The following FBXO15 variants were observed in gnomAD, a reference collection of about 807,000 sequenced individuals.
FBXO15 encodes F-box protein 15, also known as F-box only protein 15.
In FBXO15, 30 loss-of-function variants were observed where a neutral mutation model predicts 49.5. The ratio of observed to expected loss-of-function variants is 0.61; its 90% confidence interval spans 0.45 to 0.82. The LOEUF is 0.82. FBXO15 is among the 40% of genes least tolerant of loss of function. FBXO15 has a pLI of 0.00. For missense variants in FBXO15, 591 were observed against 631.5 expected, an observed-to-expected ratio of 0.94 and a Z score of 0.69; for synonymous variants, 250 against 232.7, an observed-to-expected ratio of 1.07 and a Z score of -0.68.
intron 9 of FBXO15, among the ~76,000 whole-genome samples, chr18:74,079,233 C>T (rs766854262): frequency 1.1e-4 from 17 of 152,302 alleles, no homozygotes; most frequent in Middle Eastern, 3.4e-3. Context: ...TTCTGATAGG[C>T]GCTGGGAGGA....
At chr18:74,108,805 C>A (rs1568167776) in intron 8 of FBXO15, among the ~76,000 whole-genome samples, 1 of 151,994 alleles carries the variant, frequency 6.6e-6, no homozygotes, top group South Asian at 2.1e-4. Context: ...CTGAAAGAAA[C>A]CAGAGGAAAA....
intron 8 of FBXO15, among the ~76,000 whole-genome samples, chr18:74,111,194 G>A (rs767378078): frequency 8.6e-5 from 13 of 150,830 alleles, no homozygotes; most frequent in South Asian, 4.2e-4. Context: ...GGCCAAGTGC[G>A]GTGCCTCACA....
chr18:74,144,301 T>G (rs1433224032), intron 1 of FBXO15, among the ~76,000 whole-genome samples: 2 of 152,070 alleles, frequency 1.3e-5, no homozygotes, highest in Non-Finnish European at 2.9e-5. Context: ...GATTACAAAA[T>G]CTGTTGGTGA....
At position 74,075,568 on chromosome 18, in the gene FBXO15, C is replaced by T. The variant is rs935109591; in HGVS notation, c.1264-1838G>A. Among the ~76,000 whole-genome samples, 34 of 152,334 alleles carry T rather than the reference C, an allele frequency of 2.2e-4. No homozygotes were observed. The highest frequency in any genetic ancestry group is 2.0e-3 in the Admixed American group (31 of 15,308). On this transcript the variant is annotated intron_variant, in intron 9 of 9. Coordinates refer to ENST00000419743, the MANE Select transcript of FBXO15 (RefSeq NM_001142958.2). This position sits in a 1 kb window ranked among gnomAD's most constrained non-coding sequence, Gnocchi z 4.1. The stretch of plus-strand genomic sequence containing the variant: ...ACAACCCTCTCCAAAGAGCTGTCTC[C>T]GCTGGATTTGTCCATTAATACCCAT...
intron 2 of FBXO15, among the ~76,000 whole-genome samples, chr18:74,138,918 TAGAGA>T (rs2145221600): frequency 6.6e-6 from 1 of 152,288 alleles, no homozygotes; most frequent in South Asian, 2.1e-4. Flanking sequence ...TCCCTACTTC[TAGAGA>T]AGAGAGGTAA....
At chr18:74,103,868 T>C (rs73474879) in intron 8 of FBXO15, among the ~76,000 whole-genome samples, 2,048 of 152,188 alleles carry the variant, frequency 0.013, 45 homozygotes, top group African/African-American at 0.047. Flanking sequence ...TTATAAGAAA[T>C]GCTAAAAGGA....
At position 74,140,289 on chromosome 18, in the gene FBXO15, G is replaced by A. The variant is rs1978987078; in HGVS notation, c.140C>T (p.Ser47Phe). Residue 47 changes from serine to phenylalanine, a missense_variant, in exon 2 of 10, where the codon TCT becomes TTT. By Grantham distance (155) the Ser-to-Phe change is radical. Transcript: ENST00000419743. ...GCRKGPGVKL[S>F]AGSAALRCHA... Reference sequence around the variant, plus strand: ...GCACCTCAGGGCAGCAGAGCCTGCAGAAAGCTTGACCCCTGGCCCCTTTCT... The same window carrying A: ...GCACCTCAGGGCAGCAGAGCCTGCAAAAAGCTTGACCCCTGGCCCCTTTCT... The A allele has an allele frequency of 1.3e-6, 2 of 1,551,340 alleles. No individual in the cohort carries two copies. Among genetic ancestry groups the A allele is most frequent in the African/African-American group, 2.7e-5 (2 of 73,174 alleles).
chr18:74,123,556 G>T, intron 7 of FBXO15, 46 bp from the exon 8 acceptor site: 1 of 1,565,164 alleles, frequency 6.4e-7, no homozygotes, highest in Non-Finnish European at 8.6e-7. Context: ...CAACACCAGG[G>T]ATAAAATTCT....
At chr18:74,085,584 C>A (rs148486464) in intron 8 of FBXO15, among the ~76,000 whole-genome samples, 1 of 152,274 alleles carries the variant, frequency 6.6e-6, no homozygotes, top group Admixed American at 6.5e-5. Flanking sequence ...CAGAGTGAGA[C>A]TCCGTCTCAA....
chr18:74,144,785 T>C (rs1023785140), intron 1 of FBXO15, among the ~76,000 whole-genome samples: 1 of 152,120 alleles, frequency 6.6e-6, no homozygotes, highest in Non-Finnish European at 1.5e-5. Context: ...CCACTACAAC[T>C]ACTCGTTTGA....
In FBXO15 at chr18:74,073,375, A is replaced by G; in HGVS notation, c.*86T>C. The G allele has an allele frequency of 7.1e-7, 1 of 1,401,062 alleles. No individual in the cohort carries two copies. The highest frequency in any genetic ancestry group is 9.8e-7 in the Non-Finnish European group (1 of 1,019,368). The allele number at this position is 1,401,062 out of a possible 1,614,324, so 86.8% of individuals were successfully genotyped here. A position where few individuals can be genotyped will look rare whatever the true frequency, so the allele number is the denominator to read the frequency against. ...AAAGGCATTGCACAGCACTCTGCAG[A>G]TTTGCTTTATTTTAATTTTCAACAC... On this transcript the variant is annotated 3_prime_UTR_variant, in exon 10 of 10. Transcript: ENST00000419743.
chr18:74,116,191 G>C (rs759488126), intron 8 of FBXO15, among the ~76,000 whole-genome samples: 1 of 152,202 alleles, frequency 6.6e-6, no homozygotes, highest in African/African-American at 2.4e-5. Context: ...GGACATGCAG[G>C]CTGCTTCAAA....
intron 8 of FBXO15, among the ~76,000 whole-genome samples, chr18:74,100,340 A>T (rs924429864): frequency 5.3e-5 from 8 of 152,136 alleles, no homozygotes; most frequent in African/African-American, 1.9e-4. Context: ...TAAGATCAAG[A>T]TGGAAATTTA....
chr18:74,147,515 G>T (rs9962508), intron 1 of FBXO15, 155 bp downstream of exon 1: 56,228 of 1,256,258 alleles, frequency 0.045, 2,386 homozygotes, highest in African/African-American at 0.19. Flanking sequence ...GGGTAGAAAG[G>T]ATTTCCTCCG....
At chr18:74,140,091 C>T in intron 2 of FBXO15, 111 bp downstream of exon 2, 1 of 815,546 alleles carries the variant, frequency 1.2e-6, no homozygotes, top group Non-Finnish European at 1.9e-6. Context: ...CTACACAATC[C>T]TATTCTTAGC....
Position 74,145,620 on chromosome 18 carries a change from C to G in FBXO15, c.116+2050G>C, listed in dbSNP as rs1465029497. 6.9e-5 allele frequency among the ~76,000 whole-genome samples: 7 copies of G among 101,088 alleles called. No individual in the cohort carries two copies. The South Asian group carries it at 2.1e-3, about 30-fold the overall frequency. 66.3% of individuals were successfully genotyped at this position (101,088 alleles called of 152,430 possible). On this transcript the variant is annotated intron_variant, in intron 1 of 9. Transcript: ENST00000419743. ...TTTTTTTTTTTTTTTTTTTTTGCGA[C>G]AGAGTCTGGCTCTGTCGCCCAGGCT...
chr18:74,086,603 G>A (rs904213628), intron 8 of FBXO15, among the ~76,000 whole-genome samples: 1 of 152,114 alleles, frequency 6.6e-6, no homozygotes, highest in Non-Finnish European at 1.5e-5. Flanking sequence ...GTAGAGATGG[G>A]GTTTCACCGT....
At chr18:74,147,578 A>C (rs1979519774) in intron 1 of FBXO15, 92 bp downstream of exon 1, 1 of 1,317,150 alleles carries the variant, frequency 7.6e-7, no homozygotes, top group Non-Finnish European at 9.7e-7. Flanking sequence ...CCTTGCGCCA[A>C]GCTGGACGAA....
chr18:74,106,410 T>C (rs571794819), intron 8 of FBXO15, among the ~76,000 whole-genome samples: 1 of 152,254 alleles, frequency 6.6e-6, no homozygotes, highest in South Asian at 2.1e-4. Context: ...ATAAATCTTA[T>C]AAACATTTAA....
Sources: gnomAD v4.1 joint callset for allele counts (sites outside exome capture counted in the v4.1 genomes callset) on GRCh38, gnomAD v4.1.1 for gene constraint, Gnocchi (gnomAD v3.1) non-coding constraint, MANE v1.5 for transcripts, NCBI Gene and HGNC (gene_info 2026-07-23, HGNC 2026-07-21) for gene names.